ATP2C1: variants seen among roughly 807,000 people sequenced by gnomAD.
ATP2C1 encodes ATPase secretory pathway Ca2+ transporting 1, also known as calcium-transporting ATPase type 2C member 1.
ATP2C1 carries 31 observed loss-of-function variants against 120.5 expected under a neutral mutation model. The observed-to-expected ratio is 0.26, with a 90% CI of 0.19 to 0.35. ATP2C1 has a LOEUF of 0.35. ATP2C1 is among the 10% of genes least tolerant of loss of function. The pLI, the probability that ATP2C1 is intolerant of heterozygous loss-of-function variation, is 1.00. For synonymous variants in ATP2C1, 351 were observed against 358.7 expected, an observed-to-expected ratio of 0.98 and a Z score of 0.24; for missense variants, 731 against 1,107.5, an observed-to-expected ratio of 0.66 and a Z score of 4.83.
Position 130,961,841 on chromosome 3 carries a change from T to C in ATP2C1, c.900-2130T>C, listed in dbSNP as rs567084861. Among the ~76,000 whole-genome samples, 7 of 151,948 alleles carry C rather than the reference T, an allele frequency of 4.6e-5. No homozygotes were observed. In the South Asian group the frequency reaches 1.0e-3, roughly 22 times the overall value. On this transcript the variant is annotated intron_variant, in intron 12 of 27. Coordinates refer to ENST00000510168, the MANE Select transcript of ATP2C1 (RefSeq NM_001378687.1). ...CAGAAGATCAGTGCAAAGAGCCAAA[T>C]AGAAGCACTGTAGGCCGTAATGATG... is the stretch of plus-strand genomic sequence containing the variant.
intron 22 of ATP2C1, among the ~76,000 whole-genome samples, chr3:130,995,712 C>T (rs1324745702): frequency 2.0e-5 from 3 of 152,190 alleles, no homozygotes; most frequent in African/African-American, 7.2e-5. Flanking sequence ...GTGATCTTGG[C>T]TCACTGCAAC....
At chr3:130,921,079 C>CT (rs1170193033) in intron 2 of ATP2C1, among the ~76,000 whole-genome samples, 8,800 of 128,416 alleles carry the variant, frequency 0.069, 756 homozygotes, top group African/African-American at 0.18. Flanking sequence ...AGTTTTCTTT[C>CT]TTTTTTTTTT....
At chr3:130,856,911 C>T (rs1159960165) in intron 1 of ATP2C1, among the ~76,000 whole-genome samples, 1 of 152,148 alleles carries the variant, frequency 6.6e-6, no homozygotes, top group Non-Finnish European at 1.5e-5. Flanking sequence ...TATTTACATC[C>T]TACTGCTCAA....
intron 1 of ATP2C1, among the ~76,000 whole-genome samples, chr3:130,857,922 G>A (rs1250255450): frequency 6.6e-6 from 1 of 152,108 alleles, no homozygotes; most frequent in Non-Finnish European, 1.5e-5. Flanking sequence ...TCAAAAGTAG[G>A]GAAGCTGACT....
chr3:130,988,727 A>G (rs377519540), intron 20 of ATP2C1, among the ~76,000 whole-genome samples: 77 of 152,332 alleles, frequency 5.1e-4, no homozygotes, highest in African/African-American at 1.6e-3. Flanking sequence ...GGGTTAAGGC[A>G]TAAGTAAAAG....
Position 130,864,497 on chromosome 3 carries a change from C to T in ATP2C1, c.108+13569C>T, listed in dbSNP as rs145541056. 8.8e-4 allele frequency among the ~76,000 whole-genome samples: 134 copies of T among 152,346 alleles called. 1 individual carries two copies. In the East Asian group the frequency reaches 0.017, roughly 20 times the overall value. ...GGAATTTTCATAAGTAGCAAGGAGC[C>T]TAATGATAATCCCCAAGACCATGGG... is the stretch of plus-strand genomic sequence containing the variant. On this transcript the variant is annotated intron_variant, in intron 1 of 26. Coordinates refer to the ATP2C1 transcript ENST00000504381.
At chr3:130,970,091 G>A (rs924294637) in intron 17 of ATP2C1, among the ~76,000 whole-genome samples, 5 of 152,318 alleles carry the variant, frequency 3.3e-5, no homozygotes, top group Admixed American at 3.3e-4. Context: ...GCCAAGGCGG[G>A]TGGATCACCT....
chr3:130,930,774 T>C (rs1363978042), intron 3 of ATP2C1, among the ~76,000 whole-genome samples: 1 of 152,148 alleles, frequency 6.6e-6, no homozygotes, highest in East Asian at 1.9e-4. Context: ...TAATTTAATT[T>C]AAATTTATTT....
At chr3:130,877,425 C>G (rs1338157581) in intron 1 of ATP2C1, among the ~76,000 whole-genome samples, 1 of 152,122 alleles carries the variant, frequency 6.6e-6, no homozygotes, top group Non-Finnish European at 1.5e-5. Flanking sequence ...CTACCAAGGA[C>G]TTAAACAAAT....
intron 11 of ATP2C1, 87 bp downstream of exon 11, chr3:130,956,266 G>T (rs2060575584): frequency 1.3e-6 from 1 of 769,974 alleles, no homozygotes; most frequent in East Asian, 2.8e-5. Flanking sequence ...TTTATTTATT[G>T]GCTTTTCTTT....
At chr3:130,917,393 A>G (rs2058736086) in intron 2 of ATP2C1, among the ~76,000 whole-genome samples, 1 of 152,190 alleles carries the variant, frequency 6.6e-6, no homozygotes, top group African/African-American at 2.4e-5. Flanking sequence ...CAGATTAATA[A>G]TATGTGAACG....
upstream of ATP2C1, chr3:130,894,001 T>A (rs2107893853): frequency 2.0e-6 from 2 of 985,898 alleles, no homozygotes; most frequent in South Asian, 4.7e-5. The surrounding 1 kb of genome is among the most constrained non-coding windows in gnomAD (Gnocchi z 4.5). Context: ...CAAAGCTGGG[T>A]TCGCGGCTGG....
intron 16 of ATP2C1, 45 bp downstream of exon 16, chr3:130,967,464 T>C: frequency 6.7e-7 from 1 of 1,492,792 alleles, no homozygotes; most frequent in Non-Finnish European, 9.3e-7. Flanking sequence ...GACACTGCCC[T>C]CACAACAGAA....
At chr3:131,000,578 T>A (rs1170107832) in intron 27 of ATP2C1, among the ~76,000 whole-genome samples, 1 of 152,106 alleles carries the variant, frequency 6.6e-6, no homozygotes, top group Non-Finnish European at 1.5e-5. Flanking sequence ...AGTACTTTTT[T>A]AAAGGGCTGT....
chr3:130,969,258 A>T (rs1189661922), intron 16 of ATP2C1, 34 bp from the exon 17 acceptor site: 4 of 1,433,970 alleles, frequency 2.8e-6, no homozygotes, highest in South Asian at 2.3e-5. Context: ...AATCACATAT[A>T]GGTGAGAATT....
intron 1 of ATP2C1, among the ~76,000 whole-genome samples, chr3:130,886,953 G>A (rs2068989214): frequency 6.6e-6 from 1 of 152,118 alleles, no homozygotes; most frequent in African/African-American, 2.4e-5. Context: ...TCACAGTCTG[G>A]ACTTGTTTGT....
intron 1 of ATP2C1, among the ~76,000 whole-genome samples, chr3:130,859,696 A>T (rs540143301): frequency 6.6e-6 from 1 of 152,334 alleles, no homozygotes; most frequent in Admixed American, 6.5e-5. Context: ...AGCCTAAGAG[A>T]CACCTGGACC....
At position 130,932,005 on chromosome 3, in the gene ATP2C1, T is replaced by C. The variant is rs775353186; in HGVS notation, c.118-17T>C. ...GTGCTAACATTTTCAATAACTTTCA[T>C]GTATAAACTCTAATAGGCTGATCTT... On this transcript the variant is annotated splice_polypyrimidine_tract_variant and intron_variant, in intron 3 of 27. Transcript: ENST00000510168. The C allele has an allele frequency of 1.2e-5, 17 of 1,476,380 alleles. No homozygotes were observed. Among genetic ancestry groups the C allele is most frequent in the Non-Finnish European group, 1.6e-5 (17 of 1,054,648 alleles). 91.5% of individuals were successfully genotyped at this position (1,476,380 alleles called of 1,614,324 possible).
At chr3:130,867,098 A>G (rs556967720) in intron 1 of ATP2C1, among the ~76,000 whole-genome samples, 1 of 152,226 alleles carries the variant, frequency 6.6e-6, no homozygotes, top group East Asian at 1.9e-4. Context: ...TAGACAGAAA[A>G]CTTAATGGAT....
Sources: gnomAD v4.1 joint callset for allele counts (sites outside exome capture counted in the v4.1 genomes callset) on GRCh38, gnomAD v4.1.1 for gene constraint, Gnocchi (gnomAD v3.1) non-coding constraint, MANE v1.5 for transcripts, NCBI Gene and HGNC (gene_info 2026-07-23, HGNC 2026-07-21) for gene names.